The following SLC27A6 variants were observed in gnomAD, a reference collection of about 807,000 sequenced individuals.
SLC27A6 encodes long-chain fatty acid transport protein 6.
In SLC27A6, 74 loss-of-function variants were observed where a neutral mutation model predicts 63.9. The ratio of observed to expected loss-of-function variants is 1.16; its 90% CI spans 0.96 to 1.40. The LOEUF (loss-of-function observed/expected upper bound fraction) is 1.40. Among genes scored for constraint, SLC27A6 ranks in the 40% most tolerant of loss-of-function variants. The pLI is 0.00. For missense variants in SLC27A6, 794 were observed against 732.9 expected, an observed-to-expected ratio of 1.08 and a Z score of -0.96; for synonymous variants, 287 against 260.8, an observed-to-expected ratio of 1.10 and a Z score of -0.97.
intron 1 of SLC27A6, among the ~76,000 whole-genome samples, chr5:128,978,090 TAA>T (rs1007811900): frequency 1.3e-5 from 2 of 152,218 alleles, no homozygotes; most frequent in African/African-American, 4.8e-5. Flanking sequence ...TACACAGATA[TAA>T]GACTTCTGCA....
intron 6 of SLC27A6, among the ~76,000 whole-genome samples, chr5:129,025,734 A>G (rs2538021): frequency 0.22 from 33,697 of 152,040 alleles, 3,791 homozygotes; most frequent in Middle Eastern, 0.28. Flanking sequence ...GATGATGATG[A>G]TGATGATGAT....
At chr5:129,024,229 A>G (rs1234081917) in intron 6 of SLC27A6, among the ~76,000 whole-genome samples, 5 of 152,138 alleles carry the variant, frequency 3.3e-5, no homozygotes, top group Non-Finnish European at 1.5e-5. Context: ...CAAAAGTGGT[A>G]ACTATTTGGC....
intron 4 of SLC27A6, among the ~76,000 whole-genome samples, chr5:129,003,151 G>A (rs1188240438): frequency 1.3e-5 from 2 of 152,230 alleles, no homozygotes; most frequent in East Asian, 1.9e-4. Context: ...GAGAGAGCAA[G>A]AGAGAATCTG....
At chr5:128,987,169 T>C (rs1234119046) in intron 2 of SLC27A6, among the ~76,000 whole-genome samples, 1 of 152,092 alleles carries the variant, frequency 6.6e-6, no homozygotes, top group Non-Finnish European at 1.5e-5. Flanking sequence ...GATATACATA[T>C]ATGTATATGT....
chr5:128,987,063 A>G (rs1750814635), intron 2 of SLC27A6, among the ~76,000 whole-genome samples: 1 of 152,216 alleles, frequency 6.6e-6, no homozygotes, highest in Non-Finnish European at 1.5e-5. Flanking sequence ...GGAAAAGATG[A>G]ACTTCTGAAA....
chr5:129,025,399 G>A (rs1752204504), intron 6 of SLC27A6, among the ~76,000 whole-genome samples: 2 of 152,094 alleles, frequency 1.3e-5, no homozygotes, highest in East Asian at 1.9e-4. Context: ...AATGTAGACT[G>A]ACAGAATATA....
At chr5:128,989,866 G>A (rs986821735) in intron 3 of SLC27A6, among the ~76,000 whole-genome samples, 10 of 149,654 alleles carry the variant, frequency 6.7e-5, no homozygotes, top group African/African-American at 2.4e-4. Context: ...AGAGCTTGCA[G>A]TGAGCCGAGT....
chr5:128,982,653 C>A (rs57127883), intron 1 of SLC27A6, among the ~76,000 whole-genome samples: 12 of 152,138 alleles, frequency 7.9e-5, no homozygotes, highest in Admixed American at 2.0e-4. Context: ...AAATCTGGAA[C>A]AAACATTAAA....
At chr5:128,981,090 T>C (rs909869149) in intron 1 of SLC27A6, among the ~76,000 whole-genome samples, 2 of 152,144 alleles carry the variant, frequency 1.3e-5, no homozygotes, top group Non-Finnish European at 2.9e-5. Context: ...GTACATTGCA[T>C]GTGGGAGGAA....
At chr5:129,032,408 G>T (rs752779199) in intron 9 of SLC27A6, among the ~76,000 whole-genome samples, 1 of 152,020 alleles carries the variant, frequency 6.6e-6, no homozygotes, top group Non-Finnish European at 1.5e-5. Context: ...GTTCCATGAT[G>T]ATTTTTGGCT....
chr5:129,029,436 A>G, intron 8 of SLC27A6, 141 bp from the exon 9 acceptor site: 1 of 582,456 alleles, frequency 1.7e-6, no homozygotes, highest in Non-Finnish European at 2.9e-6. Flanking sequence ...AGGGAAGGAT[A>G]CAGACTAGTT....
chr5:129,022,610 AT>A (rs954838189), intron 5 of SLC27A6, among the ~76,000 whole-genome samples: 1 of 151,914 alleles, frequency 6.6e-6, no homozygotes, highest in African/African-American at 2.4e-5. Flanking sequence ...TTAGTTTACC[AT>A]TTTCTAACTG....
At chr5:128,983,298 T>TTTG (rs1461790074) in intron 1 of SLC27A6, among the ~76,000 whole-genome samples, 2 of 148,482 alleles carry the variant, frequency 1.3e-5, no homozygotes, top group African/African-American at 5.0e-5. Flanking sequence ...GGTTTTTTTT[T>TTTG]TTTTTTTTTT....
At chr5:129,020,817 G>A (rs1148739) in intron 5 of SLC27A6, among the ~76,000 whole-genome samples, 39,486 of 151,820 alleles carry the variant, frequency 0.26, 5,992 homozygotes, top group Non-Finnish European at 0.35. Flanking sequence ...ACAAAACTCA[G>A]CTTATTACAG....
rs547433786 is a variant in SLC27A6, at chr5:128,990,271, A to T, written c.845-69A>T. ...AACATGTTCTAGACAGAGAAACATC[A>T]TTCATGTTTTATGTTCATTCTGCCT... On this transcript the variant is annotated intron_variant, in intron 3 of 9. Coordinates refer to ENST00000262462, the MANE Select transcript of SLC27A6 (RefSeq NM_001017372.3). The T allele has an allele frequency of 2.0e-5, 29 of 1,468,600 alleles. No individual in the cohort carries two copies. The South Asian group carries it at 3.4e-4, about 17-fold the overall frequency. 91.0% of individuals were successfully genotyped at this position (1,468,600 alleles called of 1,614,324 possible).
chr5:128,979,761 G>A (rs1204420490), intron 1 of SLC27A6, among the ~76,000 whole-genome samples: 2 of 152,064 alleles, frequency 1.3e-5, no homozygotes, highest in Non-Finnish European at 2.9e-5. Flanking sequence ...TATTCAATCT[G>A]CTCACCTCAA....
At chr5:128,993,013 A>C (rs1400132348) in intron 4 of SLC27A6, among the ~76,000 whole-genome samples, 1 of 152,230 alleles carries the variant, frequency 6.6e-6, no homozygotes, top group Admixed American at 6.5e-5. Flanking sequence ...TGCTGCATTT[A>C]GTATCTTCAT....
intron 4 of SLC27A6, among the ~76,000 whole-genome samples, chr5:129,009,963 C>T (rs1033429497): frequency 6.6e-6 from 1 of 152,196 alleles, no homozygotes; most frequent in Non-Finnish European, 1.5e-5. Context: ...AGGCATGAGC[C>T]ACTGCACCTG....
chr5:128,966,451 G>A lies in SLC27A6; in HGVS notation c.314G>A (p.Gly105Glu). 1 of 1,606,720 alleles carries A rather than the reference G, an allele frequency of 6.2e-7. No homozygotes were observed. The highest frequency in any genetic ancestry group is 1.7e-5 in the Admixed American group (1 of 58,958). ...CTGAACCATTCCTCTCTGAAAAAGG[G>A]GGACACGGTGGCTCTGCTGATGAGC... is the stretch of plus-strand genomic sequence containing the variant. ...VFLNHSSLKK[G>E]DTVALLMSNE... Residue 105 changes from glycine (G) to glutamate (E), a missense_variant, in exon 1 of 10, where the codon GGG becomes GAG. Gly to Glu is a moderately conservative substitution (Grantham distance 98). Coordinates refer to ENST00000262462, the MANE Select transcript of SLC27A6 (RefSeq NM_001017372.3).
Sources: gnomAD v4.1 joint callset for allele counts (sites outside exome capture counted in the v4.1 genomes callset) on GRCh38, gnomAD v4.1.1 for gene constraint, MANE v1.5 for transcripts, NCBI Gene and HGNC (gene_info 2026-07-23, HGNC 2026-07-21) for gene names.